Variants in WDR70 observed in about 807,000 individuals in gnomAD.
WDR70 encodes the protein WD repeat domain 70, also known as WD repeat-containing protein 70.
Under a neutral mutation model 88.6 loss-of-function variants are expected in WDR70, and 53 were observed. The observed-to-expected ratio is 0.60, with a 90% confidence interval of 0.48 to 0.75. The LOEUF (loss-of-function observed/expected upper bound fraction) is 0.75. Among genes scored for constraint, WDR70 ranks in the 30% least tolerant of loss-of-function variants. The probability of loss-of-function intolerance (pLI) is 0.00; values close to 1 mark genes in which losing one functional copy is unlikely to be tolerated. For synonymous variants in WDR70, 280 were observed against 270.0 expected (o/e 1.04, Z -0.36); for missense variants, 610 against 823.2 (o/e 0.74, Z 3.17).
At chr5:37,594,675 G>A (rs1743648156) in intron 9 of WDR70, among the ~76,000 whole-genome samples, 1 of 152,206 alleles carries the variant, frequency 6.6e-6, no homozygotes, top group Admixed American at 6.5e-5. Context: ...ATTCTGTGAA[G>A]AAAGTCATTG....
chr5:37,542,557 A>C (rs1741859263), intron 9 of WDR70, among the ~76,000 whole-genome samples: 1 of 152,090 alleles, frequency 6.6e-6, no homozygotes. Flanking sequence ...CTGGGATTCC[A>C]GGTGTGAGCC....
chr5:37,505,462 A>G (rs142224883), intron 8 of WDR70, among the ~76,000 whole-genome samples: 65 of 152,266 alleles, frequency 4.3e-4, no homozygotes, highest in African/African-American at 1.4e-3. Flanking sequence ...AGCAATATCT[A>G]GTTTCCGTAT....
chr5:37,443,529 A>T (rs748688315), intron 7 of WDR70, among the ~76,000 whole-genome samples, 157 bp downstream of exon 7: 1 of 152,222 alleles, frequency 6.6e-6, no homozygotes, highest in Non-Finnish European at 1.5e-5. Flanking sequence ...AATGAAGTAA[A>T]ACGAGCCTTA....
intron 8 of WDR70, among the ~76,000 whole-genome samples, chr5:37,488,502 C>CTTTTT (rs113142236): frequency 6.5e-5 from 9 of 137,494 alleles, no homozygotes; most frequent in South Asian, 2.3e-4. Flanking sequence ...TTGTTCTTTA[C>CTTTTT]TTTTTTTTTT....
chr5:37,540,556 A>G (rs557430070), intron 9 of WDR70, among the ~76,000 whole-genome samples: 11 of 152,022 alleles, frequency 7.2e-5, no homozygotes, highest in African/African-American at 2.7e-4. Context: ...TAATTTTTGT[A>G]TTTTTGGTAG....
At chr5:37,506,323 A>C (rs1324107342) in intron 8 of WDR70, 2 of 908,368 alleles carry the variant, frequency 2.2e-6, no homozygotes, top group African/African-American at 3.3e-5. Flanking sequence ...TCAATCAGTG[A>C]GTCAATACCA....
At chr5:37,446,245 C>T (rs1432713509) in intron 7 of WDR70, among the ~76,000 whole-genome samples, 1 of 152,080 alleles carries the variant, frequency 6.6e-6, no homozygotes, top group Non-Finnish European at 1.5e-5. Context: ...ATGTGAAGGA[C>T]CTCTTCAAGG....
chr5:37,450,836 T>C (rs1738655235), intron 7 of WDR70, among the ~76,000 whole-genome samples: 1 of 152,128 alleles, frequency 6.6e-6, no homozygotes, highest in African/African-American at 2.4e-5. Context: ...TGTGTATATA[T>C]TTATGTGTGT....
chr5:37,729,888 C>T (rs1368503004), intron 17 of WDR70, among the ~76,000 whole-genome samples: 1 of 152,092 alleles, frequency 6.6e-6, no homozygotes, highest in African/African-American at 2.4e-5. Context: ...CCCAGTCCCC[C>T]TTTTTTTCAG....
At chr5:37,381,901 A>G (rs1203251075) in intron 3 of WDR70, 23 of 374,594 alleles carry the variant, frequency 6.1e-5, no homozygotes, top group Non-Finnish European at 9.9e-5. Context: ...TAAAAATACA[A>G]TAATTAGCTG....
intron 9 of WDR70, among the ~76,000 whole-genome samples, chr5:37,527,908 T>G (rs201717975): frequency 3.3e-5 from 5 of 152,020 alleles, no homozygotes; most frequent in African/African-American, 4.8e-5. Flanking sequence ...TCAGAGAAAT[T>G]CAAATCAAAA....
chr5:37,538,752 A>G (rs1741734654), intron 9 of WDR70, among the ~76,000 whole-genome samples: 1 of 152,218 alleles, frequency 6.6e-6, no homozygotes, highest in Non-Finnish European at 1.5e-5. Flanking sequence ...TAAGTTTACC[A>G]GAATGAAAAT....
chr5:37,637,067 C>T lies in WDR70; in HGVS notation c.1092+31829C>T, dbSNP rs904115466. Among the ~76,000 whole-genome samples, 12 of 151,950 alleles carry T rather than the reference C, an allele frequency of 7.9e-5. 1 individual carries two copies. In the East Asian group the frequency reaches 9.6e-4, roughly 12 times the overall value. On this transcript the variant is annotated intron_variant, in intron 10 of 17. Coordinates refer to ENST00000265107, the MANE Select transcript of WDR70 (RefSeq NM_018034.4). ...TTAAAATGAAGAATTTTAGGCCAGG[C>T]GTGGTAGCTCACGTATGTAATCCCA... is the stretch of plus-strand genomic sequence containing the variant.
chr5:37,712,865 C>A (rs4568386), intron 13 of WDR70, among the ~76,000 whole-genome samples: 1 of 152,002 alleles, frequency 6.6e-6, no homozygotes, highest in Non-Finnish European at 1.5e-5. Context: ...CCATGCCCAG[C>A]TAATTTTTTT....
chr5:37,697,676 A>G lies in WDR70; in HGVS notation c.1114A>G (p.Lys372Glu). Residue 372 changes from lysine (K) to glutamate (E), a missense_variant, in exon 11 of 18, where the codon AAA (lysine) becomes GAA (glutamate). Coordinates refer to ENST00000265107, the MANE Select transcript of WDR70 (RefSeq NM_018034.4). The stretch of plus-strand genomic sequence containing the variant: ...ATAGGTTCATCCTAAGTTCCACTAT[A>G]AACAGGCTCATGACTCGGGCACAGA... ...NLTVHPKFHY[K>E]QAHDSGTDTS... 3.1e-6 allele frequency: 5 copies of G among 1,613,814 alleles called. No homozygotes were observed. The highest frequency in any genetic ancestry group is 4.2e-6 in the Non-Finnish European group (5 of 1,179,750).
At chr5:37,618,344 G>A (rs1467724589) in intron 10 of WDR70, among the ~76,000 whole-genome samples, 2 of 152,138 alleles carry the variant, frequency 1.3e-5, no homozygotes, top group Admixed American at 6.6e-5. Flanking sequence ...TCAAAATGAT[G>A]TATTTATTAA....
intron 10 of WDR70, among the ~76,000 whole-genome samples, chr5:37,686,060 CTG>C (rs1419682430): frequency 2.0e-5 from 3 of 152,218 alleles, no homozygotes; most frequent in Non-Finnish European, 4.4e-5. Flanking sequence ...TCCCCCAACA[CTG>C]TGAAGCCTAG....
At chr5:37,564,252 A>G (rs1425929032) in intron 9 of WDR70, among the ~76,000 whole-genome samples, 1 of 152,146 alleles carries the variant, frequency 6.6e-6, no homozygotes, top group Non-Finnish European at 1.5e-5. Context: ...CACTGAGTGA[A>G]CGCGACTCCG....
intron 9 of WDR70, among the ~76,000 whole-genome samples, chr5:37,542,865 A>G (rs1268024891): frequency 6.6e-6 from 1 of 152,184 alleles, no homozygotes; most frequent in South Asian, 2.1e-4. Flanking sequence ...ATCTTTGCTT[A>G]TATCCATGCC....
Sources: gnomAD v4.1 joint callset for allele counts (sites outside exome capture counted in the v4.1 genomes callset) on GRCh38, gnomAD v4.1.1 for gene constraint, MANE v1.5 for transcripts, NCBI Gene and HGNC (gene_info 2026-07-23, HGNC 2026-07-21) for gene names.